Variants in TRIM71 observed in about 807,000 individuals in gnomAD.
TRIM71 encodes the protein tripartite motif containing 71.
In TRIM71, 9 loss-of-function variants were observed where a neutral mutation model predicts 61.2. The observed-to-expected ratio is 0.15, with a 90% confidence interval of 0.09 to 0.26. The LOEUF is 0.26. Ranked by LOEUF, TRIM71 falls within the 10% of genes least tolerant of loss-of-function variation. TRIM71 has a pLI of 1.00. For synonymous variants in TRIM71, 645 were observed against 553.2 expected (o/e 1.17, Z -2.33); for missense variants, 998 against 1,238.7 (o/e 0.81, Z 2.92).
intron 1 of TRIM71, among the ~76,000 whole-genome samples, chr3:32,872,123 C>G (rs1696803107): frequency 6.6e-6 from 1 of 152,156 alleles, no homozygotes; most frequent in Non-Finnish European, 1.5e-5. Flanking sequence ...GCACTCCAGC[C>G]TGGGTGACAA....
intron 1 of TRIM71, among the ~76,000 whole-genome samples, chr3:32,835,236 G>T (rs1264434014): frequency 6.6e-6 from 1 of 152,182 alleles, no homozygotes; most frequent in African/African-American, 2.4e-5. Context: ...TGTGTAACAT[G>T]ATGGGGGGAG....
intron 2 of TRIM71, among the ~76,000 whole-genome samples, chr3:32,874,775 C>T (rs1696836858): frequency 6.6e-6 from 1 of 151,988 alleles, no homozygotes; most frequent in Admixed American, 6.6e-5. Context: ...ACACCTGCCT[C>T]AGCCTCCCAA....
chr3:32,856,916 C>CCA (rs796985989), intron 1 of TRIM71, among the ~76,000 whole-genome samples: 6 of 152,308 alleles, frequency 3.9e-5, no homozygotes, highest in African/African-American at 1.4e-4. Flanking sequence ...TTCTCCACCA[C>CCA]CACCCCGAGA....
rs1697039128 is a variant in TRIM71 at position 32,892,611 on chromosome 3, AAGT to A, written c.*805_*807del. ...TTTGTTTCAAAGCCATCTTGCACCC[AAGT>A]AGTAAAGCTGAAAATGACACACTGC... On this transcript the variant is annotated 3_prime_UTR_variant, in exon 4 of 4. Transcript: ENST00000383763. The A allele has an allele frequency of 6.6e-6, 1 of 152,210 alleles. No homozygotes were observed. The highest frequency in any genetic ancestry group is 1.5e-5 in the Non-Finnish European group (1 of 68,036). 9.4% of individuals were successfully genotyped at this position (152,210 alleles called of 1,614,324 possible). A position where few individuals can be genotyped will look rare whatever the true frequency, so the allele number is the denominator to read the frequency against.
intron 1 of TRIM71, among the ~76,000 whole-genome samples, chr3:32,847,190 ATTTTTTTT>A (rs35654776): frequency 3.7e-5 from 4 of 107,142 alleles, no homozygotes; most frequent in African/African-American, 1.5e-4. Flanking sequence ...AGGTCCAGCA[ATTTTTTTT>A]TTTTTTTTTT....
At chr3:32,834,313 T>C (rs1374288752) in intron 1 of TRIM71, among the ~76,000 whole-genome samples, 1 of 152,234 alleles carries the variant, frequency 6.6e-6, no homozygotes, top group Non-Finnish European at 1.5e-5. Flanking sequence ...TGTTTGGGAC[T>C]TGACACAACA....
At chr3:32,875,596 G>A (rs77526411) in intron 2 of TRIM71, among the ~76,000 whole-genome samples, 2 of 152,112 alleles carry the variant, frequency 1.3e-5, no homozygotes, top group African/African-American at 2.4e-5. Context: ...ATCCTAGCAC[G>A]TTGGGAGGCC....
At chr3:32,834,757 G>A (rs543029666) in intron 1 of TRIM71, among the ~76,000 whole-genome samples, 9 of 152,208 alleles carry the variant, frequency 5.9e-5, no homozygotes, top group Non-Finnish European at 1.0e-4. Flanking sequence ...CAGGAGAATC[G>A]CCTGAACCTG....
At chr3:32,819,921 C>T (rs1292857636) in intron 1 of TRIM71, among the ~76,000 whole-genome samples, 1 of 152,242 alleles carries the variant, frequency 6.6e-6, no homozygotes, top group Non-Finnish European at 1.5e-5. Flanking sequence ...GGCTCGATTT[C>T]GCCCTTTGGG....
At chr3:32,833,460 T>TC (rs1201595973) in intron 1 of TRIM71, among the ~76,000 whole-genome samples, 1 of 151,906 alleles carries the variant, frequency 6.6e-6, no homozygotes, top group Admixed American at 6.6e-5. Context: ...TTAATCTGCT[T>TC]CTGACTGGAG....
intron 2 of TRIM71, among the ~76,000 whole-genome samples, chr3:32,885,530 C>T (rs970020092): frequency 5.3e-5 from 8 of 152,122 alleles, no homozygotes; most frequent in South Asian, 2.1e-4. Flanking sequence ...TCCTGGCCTG[C>T]GGGGTTTCGC....
intron 1 of TRIM71, among the ~76,000 whole-genome samples, chr3:32,854,599 A>T (rs925828328): frequency 2.6e-5 from 4 of 152,184 alleles, no homozygotes; most frequent in Non-Finnish European, 2.9e-5. Flanking sequence ...GGCCTTACTC[A>T]AGGAGGAAAC....
At chr3:32,868,411 G>T (rs1696761757) in intron 1 of TRIM71, among the ~76,000 whole-genome samples, 1 of 152,194 alleles carries the variant, frequency 6.6e-6, no homozygotes, top group Non-Finnish European at 1.5e-5. Flanking sequence ...GAACAAGGAT[G>T]TTAACTGTGG....
rs1559551156 is a variant in TRIM71 at position 32,885,918 on chromosome 3, CTT to C, written c.1021-12_1021-11del. On this transcript the variant is annotated splice_polypyrimidine_tract_variant and intron_variant, in intron 2 of 3. Coordinates refer to ENST00000383763, the MANE Select transcript of TRIM71 (RefSeq NM_001039111.3). ...TCCTTCTAATGCCTCGAAGTTGTTT[CTT>C]TTTGGTTTTCCAGCTGAGCATCGAG... 1 of 1,607,840 alleles carries C rather than the reference CTT, an allele frequency of 6.2e-7. No homozygotes were observed. Among genetic ancestry groups the C allele is most frequent in the Non-Finnish European group, 8.5e-7 (1 of 1,177,942 alleles).
At position 32,894,570 on chromosome 3, in the gene TRIM71, A is replaced by G. The variant is rs1024164704; in HGVS notation, c.*2759A>G. On this transcript the variant is annotated 3_prime_UTR_variant, in exon 4 of 4. Transcript: ENST00000383763. ...CTATCTCCTTACCTTTCTGTACCCA[A>G]AATGGTGCATGACTGGTATTTGAGA... 6.6e-6 allele frequency: 1 copy of G among 152,210 alleles called. No homozygotes were observed. The highest frequency in any genetic ancestry group is 1.5e-5 in the Non-Finnish European group (1 of 68,032). The allele number at this position is 152,210 out of a possible 1,614,324, so 9.4% of individuals were successfully genotyped here.
At chr3:32,882,921 GCTGGATGTAACCTCACCATCTTATT>G (rs1161487382) in intron 2 of TRIM71, among the ~76,000 whole-genome samples, 1 of 152,212 alleles carries the variant, frequency 6.6e-6, no homozygotes, top group East Asian at 1.9e-4. Context: ...CTCAGAATTA[GCTGGATGTAACCTCACCATCTTATT>G]CTGGGTTCTT....
intron 1 of TRIM71, among the ~76,000 whole-genome samples, chr3:32,856,082 A>G (rs1448272953): frequency 1.3e-5 from 2 of 152,112 alleles, no homozygotes; most frequent in African/African-American, 2.4e-5. Flanking sequence ...CAGTGGCGCA[A>G]TCTGGGCTCA....
intron 1 of TRIM71, among the ~76,000 whole-genome samples, chr3:32,862,971 C>G (rs1220923628): frequency 6.6e-6 from 1 of 152,086 alleles, no homozygotes; most frequent in Non-Finnish European, 1.5e-5. Flanking sequence ...AAAATAATAC[C>G]TAATGGGAAC....
chr3:32,824,016 A>G (rs1489315172), intron 1 of TRIM71, among the ~76,000 whole-genome samples: 2 of 151,986 alleles, frequency 1.3e-5, no homozygotes, highest in African/African-American at 4.8e-5. Flanking sequence ...CGGAGGCCGC[A>G]GTGATCCGAG....
Sources: allele counts gnomAD v4.1 joint callset (sites outside exome capture counted in the v4.1 genomes callset), GRCh38; gene constraint gnomAD v4.1.1; transcripts MANE v1.5; gene names NCBI Gene and HGNC (gene_info 2026-07-23, HGNC 2026-07-21).